GGT7: variants seen among roughly 807,000 people sequenced by gnomAD.
The protein encoded by GGT7 is glutathione hydrolase 7.
Under a neutral mutation model 69.2 loss-of-function variants are expected in GGT7, and 30 were observed. The observed-to-expected ratio is 0.43, with a 90% CI of 0.32 to 0.59. GGT7 has a LOEUF of 0.59. Among genes scored for constraint, GGT7 ranks in the 20% least tolerant of loss-of-function variants. The probability of loss-of-function intolerance (pLI) is 0.05; values close to 1 mark genes in which losing one functional copy is unlikely to be tolerated. For missense variants in GGT7, 733 were observed against 901.1 expected, an observed-to-expected ratio of 0.81 and a Z score of 2.39; for synonymous variants, 388 against 391.8, an observed-to-expected ratio of 0.99 and a Z score of 0.12.
intron 8 of GGT7, 104 bp from the exon 9 acceptor site, chr20:34,855,027 T>G: frequency 9.2e-7 from 1 of 1,082,590 alleles, no homozygotes; most frequent in South Asian, 1.5e-5. Context: ...ACCACTGCGC[T>G]GAACTCCCTC....
At chr20:34,858,794 C>T (rs147916261) in intron 7 of GGT7, among the ~76,000 whole-genome samples, 35 of 152,290 alleles carry the variant, frequency 2.3e-4, no homozygotes, top group African/African-American at 7.7e-4. Flanking sequence ...ACTGGGTCTC[C>T]ACCAGGCCTG....
chr20:34,858,406 C>T (rs1469311033), intron 7 of GGT7, among the ~76,000 whole-genome samples: 1 of 152,184 alleles, frequency 6.6e-6, no homozygotes, highest in Admixed American at 6.5e-5. Context: ...TTGAGTCTAT[C>T]GCCACATCCA....
At chr20:34,848,487 A>C (rs777756553) in intron 14 of GGT7, among the ~76,000 whole-genome samples, 6 of 152,244 alleles carry the variant, frequency 3.9e-5, no homozygotes, top group Non-Finnish European at 8.8e-5. Context: ...CAAATAACTT[A>C]GCACAGAGCC....
chr20:34,854,959 G>T, intron 8 of GGT7, 36 bp from the exon 9 acceptor site: 1 of 1,606,424 alleles, frequency 6.2e-7, no homozygotes, highest in Non-Finnish European at 8.5e-7. Context: ...GCAGGGTAGG[G>T]GTCAAGGCAC....
chr20:34,852,567 AAAC>A, intron 10 of GGT7, 29 bp from the exon 11 acceptor site: 2 of 1,551,356 alleles, frequency 1.3e-6, no homozygotes, highest in Non-Finnish European at 1.7e-6. Context: ...GGAGATGAGC[AAAC>A]AACAGGCTCT....
rs10527077 is a variant in GGT7 at position 34,853,340 on chromosome 20, G to GGTGTGTGT, written c.1320-810_1320-803dup. Among the ~76,000 whole-genome samples, 981 of 147,398 alleles carry GGTGTGTGT rather than the reference G, an allele frequency of 6.7e-3. 12 individuals are homozygous for GGTGTGTGT. Among genetic ancestry groups the GGTGTGTGT allele is most frequent in the African/African-American group, 0.021 (856 of 40,082 alleles). Reference sequence around the variant, plus strand: ...GAACTGGTTGAATAGATTTCATATAGGTGTGTGTGTGTGTGTGTGTGTGTG... The same window carrying GGTGTGTGT: ...GAACTGGTTGAATAGATTTCATATAGGTGTGTGTGTGTGTGTGTGTGTGTGTGTGTGTG... On this transcript the variant is annotated intron_variant, in intron 10 of 14. Transcript: ENST00000336431.
intron 8 of GGT7, among the ~76,000 whole-genome samples, chr20:34,855,737 C>G (rs1436672224): frequency 6.6e-6 from 1 of 151,870 alleles, no homozygotes; most frequent in Non-Finnish European, 1.5e-5. Flanking sequence ...ACAGTTGGTA[C>G]TCAAACCCAG....
intron 9 of GGT7, 77 bp downstream of exon 9, chr20:34,854,719 C>A (rs1020877000): frequency 3.1e-6 from 5 of 1,597,590 alleles, no homozygotes; most frequent in Non-Finnish European, 3.4e-6. Context: ...GGGATTTAGT[C>A]CTGCCCTATG....
chr20:34,856,721 G>A lies in GGT7; in HGVS notation c.1102+85C>T, dbSNP rs996698128. 4 of 765,004 alleles carry A rather than the reference G, an allele frequency of 5.2e-6. No individual in the cohort carries two copies. In the African/African-American group the frequency reaches 6.9e-5, roughly 13 times the overall value. 47.4% of individuals were successfully genotyped at this position (765,004 alleles called of 1,614,324 possible). A position where few individuals can be genotyped will look rare whatever the true frequency, so the allele number is the denominator to read the frequency against. On this transcript the variant is annotated intron_variant, in intron 8 of 14. Coordinates refer to ENST00000336431, the MANE Select transcript of GGT7 (RefSeq NM_178026.3). Reference sequence around the variant, plus strand: ...CTTAGTTTCTCTCCTGTGAAATGGAGAGGAGTCTCTAGGCCAAAACGATGT... The same window carrying A: ...CTTAGTTTCTCTCCTGTGAAATGGAAAGGAGTCTCTAGGCCAAAACGATGT...
rs780933324 is a variant in GGT7, at chr20:34,852,499, G to A, written c.1359C>T (p.Asp453=). 31 of 1,602,204 alleles carry A rather than the reference G, an allele frequency of 1.9e-5. No individual in the cohort carries two copies. Among genetic ancestry groups the A allele is most frequent in the Non-Finnish European group, 2.4e-5 (28 of 1,174,906 alleles). ...EAAYLRGHIN[D]SQAAPAPLLP... ...GGAGTGGGGCAGGGGCTGCCTGGGA[G>A]TCATTGATATGGCCCCGGAGGTAGG... Residue 453 remains aspartate (D), a synonymous_variant, in exon 11 of 15, where the codon GAC becomes GAT. Coordinates refer to ENST00000336431, the MANE Select transcript of GGT7 (RefSeq NM_178026.3).
chr20:34,868,104 A>T lies in GGT7; in HGVS notation c.169+4543T>A, dbSNP rs896547638. Among the ~76,000 whole-genome samples, 13 of 142,594 alleles carry T rather than the reference A, an allele frequency of 9.1e-5. No individual in the cohort carries two copies. In the South Asian group the frequency reaches 3.2e-3, roughly 36 times the overall value. The allele number at this position is 142,594 out of a possible 152,430, so 93.5% of individuals were successfully genotyped here. A position where few individuals can be genotyped will look rare whatever the true frequency, so the allele number is the denominator to read the frequency against. On this transcript the variant is annotated intron_variant, in intron 1 of 14. Coordinates refer to ENST00000336431, the MANE Select transcript of GGT7 (RefSeq NM_178026.3). ...TGGTCTCAAACTCCTGGCCTCAAGCAATCCGCCCGCCTTGGCCTCCCAAAG... is the reference window on the plus strand; with the variant it reads ...TGGTCTCAAACTCCTGGCCTCAAGCTATCCGCCCGCCTTGGCCTCCCAAAG...
chr20:34,852,515 C>T lies in GGT7; in HGVS notation c.1343G>A (p.Arg448Gln), dbSNP rs1228866671. 1.3e-6 allele frequency: 2 copies of T among 1,586,556 alleles called. No individual in the cohort carries two copies. Among genetic ancestry groups the T allele is most frequent in the Non-Finnish European group, 1.7e-6 (2 of 1,167,292 alleles). The change falls in exon 11 of 15, where the codon CGG becomes CAG. Residue 448 changes from arginine to glutamine, a missense_variant. Coordinates refer to ENST00000336431, the MANE Select transcript of GGT7 (RefSeq NM_178026.3). ...MLSKVEAAYL[R>Q]GHINDSQAAP... is the part of the protein sequence containing the mutation. ...TGCCTGGGAGTCATTGATATGGCCC[C>T]GGAGGTAGGCGGCCTCCACCTTGCT...
chr20:34,850,052 C>A lies in GGT7; in HGVS notation c.1734G>T (p.Leu578=). 6.2e-7 allele frequency: 1 copy of A among 1,612,828 alleles called. No individual in the cohort carries two copies. Among genetic ancestry groups the A allele is most frequent in the Non-Finnish European group, 8.5e-7 (1 of 1,178,840 alleles). ...RGLSGLTQVL[L]NVLTLNRNLS... is the part of the protein sequence containing the mutation. The stretch of plus-strand genomic sequence containing the variant: ...GGTTCCGGTTCAAGGTCAGGACATT[C>A]AGCAGAACCTGTGGTAGCCAAGGTA... Residue 578 remains leucine (L), a synonymous_variant, in exon 14 of 15, where the codon CTG becomes CTT. Coordinates refer to ENST00000336431, the MANE Select transcript of GGT7 (RefSeq NM_178026.3).
Position 34,863,553 on chromosome 20 carries a change from G to T in GGT7, c.170-5C>A, listed in dbSNP as rs745881120. On this transcript the variant is annotated splice_region_variant and splice_polypyrimidine_tract_variant and intron_variant, in intron 1 of 14. Coordinates refer to ENST00000336431, the MANE Select transcript of GGT7 (RefSeq NM_178026.3). The surrounding 1 kb of genome is among the most constrained non-coding windows in gnomAD (Gnocchi z 4.4). ...ACTTCAGGAAGGAGTCCGGGTCTGCGGGCAGGCAGCCGGGGTCGGTCTGGG... is the reference window on the plus strand; with the variant it reads ...ACTTCAGGAAGGAGTCCGGGTCTGCTGGCAGGCAGCCGGGGTCGGTCTGGG... 5.1e-5 allele frequency: 80 copies of T among 1,557,378 alleles called. No homozygotes were observed. The highest frequency in any genetic ancestry group is 1.7e-4 in the Middle Eastern group (1 of 5,984).
rs536717349 is a variant in GGT7, at chr20:34,859,417, C to T, written c.1014+26G>A. 51 of 1,538,638 alleles carry T rather than the reference C, an allele frequency of 3.3e-5. No homozygotes were observed. The East Asian group carries it at 1.1e-3, about 35-fold the overall frequency. ...TGCAATAGGGACCTTGGGGCATGCC[C>T]CCACCCGCACAACACGAGCACTTAC... On this transcript the variant is annotated intron_variant, in intron 7 of 14. Coordinates refer to ENST00000336431, the MANE Select transcript of GGT7 (RefSeq NM_178026.3).
At chr20:34,871,506 C>T (rs1021398005) in intron 1 of GGT7, among the ~76,000 whole-genome samples, 4 of 152,212 alleles carry the variant, frequency 2.6e-5, no homozygotes, top group African/African-American at 7.2e-5. Flanking sequence ...CATTTGACGC[C>T]CATAAACCTC....
At chr20:34,862,042 A>T (rs1347401343) in intron 3 of GGT7, among the ~76,000 whole-genome samples, 4 of 152,170 alleles carry the variant, frequency 2.6e-5, no homozygotes, top group African/African-American at 9.7e-5. Context: ...GAACTTTGTC[A>T]GCTTGTTCCT....
At chr20:34,864,430 C>A (rs1411187476) in intron 1 of GGT7, among the ~76,000 whole-genome samples, 1 of 152,014 alleles carries the variant, frequency 6.6e-6, no homozygotes, top group Admixed American at 6.6e-5. Context: ...GGAAGCTAGG[C>A]CAGATACATA....
Position 34,845,144 on chromosome 20 carries a change from A to ACCC in GGT7, c.*183_*184insGGG, listed in dbSNP as rs1568925578. On this transcript the variant is annotated 3_prime_UTR_variant, in exon 15 of 15. Transcript: ENST00000336431. ...CACCACCACCACCACCACCACCACC[A>ACCC]CCACCACCACAGGCCTCCTGATGGA... The ACCC allele has an allele frequency of 1.9e-5, 6 of 309,674 alleles. No homozygotes were observed. The highest frequency in any genetic ancestry group is 5.3e-5 in the South Asian group (2 of 37,868). The allele number at this position is 309,674 out of a possible 1,614,324, so 19.2% of individuals were successfully genotyped here.
Sources: allele counts gnomAD v4.1 joint callset (sites outside exome capture counted in the v4.1 genomes callset), GRCh38; gene constraint gnomAD v4.1.1; non-coding constraint Gnocchi (gnomAD v3.1); transcripts MANE v1.5; gene names NCBI Gene and HGNC (gene_info 2026-07-23, HGNC 2026-07-21).